The following NR2F1-AS1 variants were observed in gnomAD, a reference collection of about 807,000 sequenced individuals.
The protein encoded by NR2F1-AS1 is NR2F1 antisense RNA 1.
At chr5:93,483,634 G>A (rs1241247397) in intron 4 of NR2F1-AS1, among the ~76,000 whole-genome samples, 1 of 152,026 alleles carries the variant, frequency 6.6e-6, no homozygotes, top group Non-Finnish European at 1.5e-5. Context: ...TCAGAAGGAG[G>A]GTAATAACAA....
At chr5:93,513,434 T>C (rs1486729435) in intron 4 of NR2F1-AS1, among the ~76,000 whole-genome samples, 3 of 152,034 alleles carry the variant, frequency 2.0e-5, no homozygotes, top group East Asian at 3.9e-4. Flanking sequence ...CAATAGTGAA[T>C]TGGATAAAGA....
At chr5:93,470,224 T>G (rs950953572) in intron 4 of NR2F1-AS1, among the ~76,000 whole-genome samples, 2 of 151,978 alleles carry the variant, frequency 1.3e-5, no homozygotes, top group African/African-American at 4.8e-5. Flanking sequence ...ACTTAGAAAT[T>G]ATGGAAATCC....
At chr5:93,419,748 C>T (rs1388549671) in intron 4 of NR2F1-AS1, among the ~76,000 whole-genome samples, 1 of 152,128 alleles carries the variant, frequency 6.6e-6, no homozygotes, top group Non-Finnish European at 1.5e-5. Context: ...AAAATTGACA[C>T]CCCTTTCCTC....
chr5:93,581,762 TCTCTCCCTCTCCCTCTCCCTCTCC>T (rs1216146534), upstream of NR2F1-AS1, among the ~76,000 whole-genome samples: 41 of 3,420 alleles, frequency 0.012, 1 homozygote, highest in Non-Finnish European at 0.019. Flanking sequence ...CTCCCTCTCC[TCTCTCCCTCTCCCTCTCCCTCTCC>T]CTCTCCCTCT....
At chr5:93,458,095 A>G (rs1179449144) in intron 4 of NR2F1-AS1, among the ~76,000 whole-genome samples, 3 of 152,192 alleles carry the variant, frequency 2.0e-5, no homozygotes, top group African/African-American at 7.2e-5. Context: ...ACCTGTGGGC[A>G]TTTCTCATCA....
chr5:93,436,984 C>CA (rs1278070718), intron 4 of NR2F1-AS1, among the ~76,000 whole-genome samples: 4 of 147,634 alleles, frequency 2.7e-5, no homozygotes, highest in African/African-American at 4.9e-5. Flanking sequence ...CTCATTATCT[C>CA]CAAAAAAAAA....
chr5:93,577,541 T>C (rs956876233), intron 1 of NR2F1-AS1, among the ~76,000 whole-genome samples: 5 of 152,204 alleles, frequency 3.3e-5, no homozygotes, highest in Non-Finnish European at 5.9e-5. Flanking sequence ...TGAGATAGGC[T>C]GGGGTTTAGT....
At chr5:93,519,932 T>C (rs1320060752) in intron 4 of NR2F1-AS1, among the ~76,000 whole-genome samples, 1 of 152,032 alleles carries the variant, frequency 6.6e-6, no homozygotes, top group Admixed American at 6.6e-5. Flanking sequence ...CTGACATTTC[T>C]CCTAGCAGAG....
chr5:93,544,561 A>G (rs1460593571), intron 4 of NR2F1-AS1, among the ~76,000 whole-genome samples: 1 of 152,186 alleles, frequency 6.6e-6, no homozygotes, highest in African/African-American at 2.4e-5. Context: ...TGAAATCCTA[A>G]TCTTAAAGTC....
intron 4 of NR2F1-AS1, among the ~76,000 whole-genome samples, chr5:93,494,772 T>C (rs762473936): frequency 5.3e-5 from 8 of 152,168 alleles, no homozygotes; most frequent in Non-Finnish European, 1.0e-4. Flanking sequence ...TGAAAAGATG[T>C]CCACACAAAA....
chr5:93,482,257 A>G (rs1750615860), intron 4 of NR2F1-AS1, among the ~76,000 whole-genome samples: 1 of 152,158 alleles, frequency 6.6e-6, no homozygotes, highest in Admixed American at 6.6e-5. Flanking sequence ...TACCTGACTC[A>G]TCTCATTGGG....
At chr5:93,441,954 T>C (rs1444020279) in intron 4 of NR2F1-AS1, among the ~76,000 whole-genome samples, 1 of 152,226 alleles carries the variant, frequency 6.6e-6, no homozygotes, top group Non-Finnish European at 1.5e-5. Context: ...ACTACTTCTG[T>C]GGTACAATGA....
intron 4 of NR2F1-AS1, among the ~76,000 whole-genome samples, chr5:93,459,947 G>GT (rs1750053537): frequency 2.0e-5 from 3 of 152,058 alleles, no homozygotes; most frequent in Admixed American, 1.3e-4. Context: ...CTGCAAGATT[G>GT]TTTTTTACCC....
At chr5:93,459,754 G>A (rs924684218) in intron 4 of NR2F1-AS1, among the ~76,000 whole-genome samples, 5 of 152,094 alleles carry the variant, frequency 3.3e-5, no homozygotes, top group Non-Finnish European at 5.9e-5. Context: ...GTAGAAAGCA[G>A]AAGTAAGGAG....
intron 1 of NR2F1-AS1, among the ~76,000 whole-genome samples, chr5:93,577,353 C>G (rs982715790): frequency 1.3e-5 from 2 of 152,220 alleles, no homozygotes; most frequent in African/African-American, 4.8e-5. Flanking sequence ...CGATAGTAAA[C>G]CCTGGAGTCT....
intron 4 of NR2F1-AS1, among the ~76,000 whole-genome samples, chr5:93,435,184 C>A (rs1449119738): frequency 6.6e-6 from 1 of 152,144 alleles, no homozygotes; most frequent in Non-Finnish European, 1.5e-5. Context: ...CTAATATTAT[C>A]ATTCCTCCTA....
intron 4 of NR2F1-AS1, among the ~76,000 whole-genome samples, chr5:93,492,785 T>C (rs1750879209): frequency 6.6e-6 from 1 of 151,888 alleles, no homozygotes; most frequent in Non-Finnish European, 1.5e-5. Flanking sequence ...AGTAACATAT[T>C]ACATGATTAT....
At chr5:93,419,956 GGAGGCA>G (rs1749053950) in intron 4 of NR2F1-AS1, among the ~76,000 whole-genome samples, 1 of 152,122 alleles carries the variant, frequency 6.6e-6, no homozygotes, top group Admixed American at 6.5e-5. Flanking sequence ...CAGCAATCTG[GGAGGCA>G]GAGGTGGGTG....
intron 4 of NR2F1-AS1, among the ~76,000 whole-genome samples, chr5:93,456,109 G>A (rs1749942249): frequency 1.3e-5 from 2 of 152,118 alleles, no homozygotes; most frequent in African/African-American, 4.8e-5. Context: ...CAGGCACACA[G>A]ATTGGAAAGG....
Sources: gnomAD v4.1 joint callset for allele counts (sites outside exome capture counted in the v4.1 genomes callset) on GRCh38, gnomAD v4.1.1 for gene constraint, MANE v1.5 for transcripts, NCBI Gene and HGNC (gene_info 2026-07-23, HGNC 2026-07-21) for gene names.